PAK3: variants seen among roughly 807,000 people sequenced by gnomAD.
PAK3 encodes p21 (RAC1) activated kinase 3.
PAK3 carries 4 observed loss-of-function variants against 41.0 expected under a neutral mutation model. The ratio of observed to expected loss-of-function variants is 0.10; its 90% CI spans 0.05 to 0.22. The LOEUF (loss-of-function observed/expected upper bound fraction) is 0.22. Among genes scored for constraint, PAK3 ranks in the 10% least tolerant of loss-of-function variants. PAK3 has a pLI of 1.00. For missense variants in PAK3, 205 were observed against 409.9 expected (o/e 0.50, Z 4.32); for synonymous variants, 146 against 139.6 (o/e 1.05, Z -0.32).
chrX:111,164,223 G>T (rs955157115), intron 10 of PAK3, among the ~76,000 whole-genome samples: 12 of 110,892 alleles, frequency 1.1e-4, no homozygotes, highest in Admixed American at 3.9e-4. Context: ...TCATTAGTGT[G>T]TACATGCTCG....
chrX:111,135,086 G>A (rs1373904503), intron 5 of PAK3, among the ~76,000 whole-genome samples: 2 of 110,895 alleles, frequency 1.8e-5, no homozygotes, highest in Non-Finnish European at 3.8e-5. Flanking sequence ...GGAAGAGGGG[G>A]AAAGAGACCA....
At chrX:110,992,289 G>A (rs753694975) in intron 1 of PAK3, among the ~76,000 whole-genome samples, 1 of 111,582 alleles carries the variant, frequency 9.0e-6, no homozygotes, top group African/African-American at 3.3e-5. Context: ...TTGCAGCAAT[G>A]GAGTGAATGA....
At chrX:110,979,557 G>C (rs918567917) in intron 1 of PAK3, among the ~76,000 whole-genome samples, 1 of 111,389 alleles carries the variant, frequency 9.0e-6, no homozygotes, top group Middle Eastern at 4.6e-3. Flanking sequence ...GCCTCCCAAA[G>C]TGCTGGGATT....
At position 111,147,862 on chromosome X, in the gene PAK3, C is replaced by A; in HGVS notation, c.402C>A (p.Asn134Lys). The change falls in exon 7 of 18, where the codon AAC becomes AAA. Residue 134 changes from asparagine to lysine, a missense_variant. Asn to Lys is a moderately conservative substitution (Grantham distance 94). This residue lies in a region of PAK3 where 22 missense variants were observed against 83.5 expected (regional missense o/e 0.26). Transcript: ENST00000372007. The part of the protein sequence containing the change: ...KFYDSKETVN[N>K]QKYMSFTSGD... Reference sequence around the variant, plus strand: ...ATGATTCCAAAGAAACAGTCAACAACCAGAAATACATGAGCTTTACATCAG... The same window carrying A: ...ATGATTCCAAAGAAACAGTCAACAAACAGAAATACATGAGCTTTACATCAG... 1 of 1,192,148 alleles carries A rather than the reference C, an allele frequency of 8.4e-7. No homozygotes were observed. The highest frequency in any genetic ancestry group is 1.8e-5 in the South Asian group (1 of 56,495).
intron 16 of PAK3, among the ~76,000 whole-genome samples, chrX:111,211,078 G>A (rs1006018490): frequency 3.6e-5 from 4 of 111,656 alleles, no homozygotes; most frequent in Admixed American, 2.9e-4. Context: ...ATTTTAGGCA[G>A]CAATGAAAGG....
intron 16 of PAK3, among the ~76,000 whole-genome samples, chrX:111,214,334 G>A (rs1221451753): frequency 9.0e-6 from 1 of 111,525 alleles, no homozygotes; most frequent in Non-Finnish European, 1.9e-5. Flanking sequence ...CACCTGGAGA[G>A]CTTAAAAATA....
At chrX:110,979,039 C>T (rs1285223193) in intron 1 of PAK3, among the ~76,000 whole-genome samples, 1 of 111,080 alleles carries the variant, frequency 9.0e-6, no homozygotes, top group Non-Finnish European at 1.9e-5. Context: ...TTTATATTGG[C>T]TGATTTGTGA....
intron 8 of PAK3, among the ~76,000 whole-genome samples, chrX:111,153,151 T>TAA (rs1452397791): frequency 8.9e-6 from 1 of 112,170 alleles, no homozygotes; most frequent in Non-Finnish European, 1.9e-5. Context: ...AACTGTAAGA[T>TAA]AATTTTATTT....
At chrX:111,016,824 G>T (rs1296170178) in intron 1 of PAK3, among the ~76,000 whole-genome samples, 6 of 109,742 alleles carry the variant, frequency 5.5e-5, no homozygotes, top group Admixed American at 2.0e-4. Context: ...GGAGGCAAAA[G>T]AAGAAAGGAA....
chrX:110,995,575 T>G (rs1013404083), intron 1 of PAK3, among the ~76,000 whole-genome samples: 3 of 111,279 alleles, frequency 2.7e-5, no homozygotes, highest in Non-Finnish European at 5.7e-5. Flanking sequence ...TTTTCCTGCT[T>G]TCGCTCATGC....
rs1257947776 is a variant in PAK3 at position 111,201,916 on chromosome X, G to GT, written c.1407+5284dup. 6.4e-5 allele frequency among the ~76,000 whole-genome samples: 7 copies of GT among 109,936 alleles called. No individual in the cohort carries two copies. The South Asian group carries it at 1.6e-3, about 25-fold the overall frequency. ...AAAACAGAGAAAGGATGTTTAGAGG[G>GT]TTTTTTTTACCCACTCATGAAGGGA... is the stretch of plus-strand genomic sequence containing the variant. On this transcript the variant is annotated intron_variant, in intron 16 of 17. Coordinates refer to ENST00000372007, the MANE Select transcript of PAK3 (RefSeq NM_002578.5).
intron 1 of PAK3, among the ~76,000 whole-genome samples, chrX:111,051,046 G>C (rs1421781598): frequency 9.0e-6 from 1 of 111,475 alleles, no homozygotes; most frequent in Admixed American, 9.5e-5. Flanking sequence ...CTAGAACTTA[G>C]TCCTGTGCCT....
chrX:111,142,331 C>T, intron 6 of PAK3, 135 bp downstream of exon 6: 1 of 537,207 alleles, frequency 1.9e-6, no homozygotes. Context: ...TGGACATTGC[C>T]TAGGCAATCA....
chrX:111,019,752 T>G (rs1339279489), intron 1 of PAK3, among the ~76,000 whole-genome samples: 2 of 106,349 alleles, frequency 1.9e-5, no homozygotes, highest in Admixed American at 2.0e-4. Flanking sequence ...TGAATATACA[T>G]TTCTCCAAAG....
At chrX:111,174,217 T>C (rs1008213216) in intron 11 of PAK3, among the ~76,000 whole-genome samples, 1 of 111,714 alleles carries the variant, frequency 9.0e-6, no homozygotes, top group Non-Finnish European at 1.9e-5. Context: ...TTTTCTTTGT[T>C]TTTCCCCCTA....
At chrX:111,216,650 A>C (rs1476112975) in intron 17 of PAK3, 92 bp downstream of exon 17, 1 of 757,505 alleles carries the variant, frequency 1.3e-6, no homozygotes, top group African/African-American at 2.1e-5. Context: ...AGAGATGTCT[A>C]GAGTTAGGCT....
chrX:111,161,041 A>G (rs1225559967), intron 8 of PAK3, among the ~76,000 whole-genome samples: 1 of 111,153 alleles, frequency 9.0e-6, no homozygotes, highest in African/African-American at 3.3e-5. Flanking sequence ...GAATCACCAC[A>G]CTGACTTCCA....
At chrX:110,986,369 C>T (rs1355338381) in intron 1 of PAK3, among the ~76,000 whole-genome samples, 1 of 111,670 alleles carries the variant, frequency 9.0e-6, no homozygotes, top group Non-Finnish European at 1.9e-5. Flanking sequence ...AGACAACTGA[C>T]TAGGCAGTCT....
intron 1 of PAK3, among the ~76,000 whole-genome samples, chrX:111,062,408 G>C (rs771915492): frequency 2.7e-5 from 3 of 112,176 alleles, no homozygotes; most frequent in Non-Finnish European, 5.6e-5. Context: ...TGTGTGGTAC[G>C]TACAAACTTG....
Sources: gnomAD v4.1 joint callset for allele counts (sites outside exome capture counted in the v4.1 genomes callset) on GRCh38, gnomAD v4.1.1 for gene constraint, gnomAD v4.1.1 regional missense constraint, MANE v1.5 for transcripts, NCBI Gene and HGNC (gene_info 2026-07-23, HGNC 2026-07-21) for gene names.